CCDC59: variants seen among roughly 807,000 people sequenced by gnomAD.
The protein encoded by CCDC59 is thyroid transcription factor 1-associated protein 26.
In CCDC59, 27 loss-of-function variants were observed where a neutral mutation model predicts 30.5. The observed-to-expected ratio is 0.89, with a 90% CI of 0.65 to 1.22. The LOEUF (loss-of-function observed/expected upper bound fraction) is 1.22. Among genes scored for constraint, CCDC59 ranks in the 50% most tolerant of loss-of-function variants. The pLI is 0.00. For missense variants in CCDC59, 362 were observed against 284.4 expected, an observed-to-expected ratio of 1.27 and a Z score of -1.96; for synonymous variants, 125 against 100.9, an observed-to-expected ratio of 1.24 and a Z score of -1.43.
rs775676423 is a variant in CCDC59, at chr12:82,357,227, CT to C, written c.196del (p.Ser66ValfsTer28). ...AFRRKLKIQQ[S>X]YKKLLRKEKK... ...TTCCTTCCGTAGCAATTTCTTGTAA[CT>C]TTGCTGTATTTTCAGTTTTCTTCGA... On this transcript the variant is annotated frameshift_variant, in exon 2 of 4. Coordinates refer to ENST00000256151, the MANE Select transcript of CCDC59 (RefSeq NM_014167.5). LOFTEE classifies it high-confidence loss of function. 2 of 1,614,006 alleles carry C rather than the reference CT, an allele frequency of 1.2e-6. No homozygotes were observed. Among genetic ancestry groups the C allele is most frequent in the Non-Finnish European group, 1.7e-6 (2 of 1,179,952 alleles).
At chr12:82,358,575 T>C (rs773576790), upstream of CCDC59, 1 of 1,611,204 alleles carries the variant, frequency 6.2e-7, no homozygotes, top group Admixed American at 1.7e-5. Flanking sequence ...CATGGCGGCT[T>C]CTTGCCCTCT....
upstream of CCDC59, chr12:82,358,802 A>G (rs772014878): frequency 1.2e-6 from 2 of 1,608,350 alleles, no homozygotes; most frequent in Non-Finnish European, 1.7e-6. Context: ...CGCGCCCCCT[A>G]GTGGAAGCAG....
At chr12:82,356,786 T>G in intron 2 of CCDC59, 174 bp downstream of exon 2, 1 of 546,116 alleles carries the variant, frequency 1.8e-6, no homozygotes, top group East Asian at 3.0e-5. Context: ...TAAACCAGCC[T>G]AATTCAGTTA....
At chr12:82,355,274 A>G (rs972800406) in intron 2 of CCDC59, 3 of 152,172 alleles carry the variant, frequency 2.0e-5, no homozygotes, top group Non-Finnish European at 2.9e-5. Flanking sequence ...CACACCCCTT[A>G]TCCATGGTTT....
intron 1 of CCDC59, among the ~76,000 whole-genome samples, chr12:82,357,490 T>A (rs1881128912): frequency 6.6e-6 from 1 of 152,198 alleles, no homozygotes; most frequent in African/African-American, 2.4e-5. Flanking sequence ...CATGCGGAAA[T>A]CCAAGTAAGA....
chr12:82,353,024 A>G lies in CCDC59; in HGVS notation c.*127T>C, dbSNP rs1436456497. 1.5e-6 allele frequency: 1 copy of G among 657,798 alleles called. No homozygotes were observed. Among genetic ancestry groups the G allele is most frequent in the Non-Finnish European group, 2.5e-6 (1 of 407,396 alleles). 40.7% of individuals were successfully genotyped at this position (657,798 alleles called of 1,614,324 possible). A position where few individuals can be genotyped will look rare whatever the true frequency, so the allele number is the denominator to read the frequency against. On this transcript the variant is annotated 3_prime_UTR_variant, in exon 4 of 4. Coordinates refer to ENST00000256151, the MANE Select transcript of CCDC59 (RefSeq NM_014167.5). ...TTTTTTACCATAATAAAAATATGTG[A>G]ACATCTTATATTTAGCATAGTTTAG...
At chr12:82,355,966 G>T (rs926036481) in intron 2 of CCDC59, 49 of 151,984 alleles carry the variant, frequency 3.2e-4, no homozygotes, top group African/African-American at 1.1e-3. Context: ...CATTTCTACT[G>T]CTAATCTTTT....
chr12:82,357,026 G>A lies in CCDC59; in HGVS notation c.398C>T (p.Pro133Leu), dbSNP rs1881065751. 1 of 1,614,156 alleles carries A rather than the reference G, an allele frequency of 6.2e-7. No individual in the cohort carries two copies. Among genetic ancestry groups the A allele is most frequent in the South Asian group, 1.1e-5 (1 of 91,088 alleles). The change falls in exon 2 of 4, where the codon CCT (proline) becomes CTT (leucine). Residue 133 changes from proline (P) to leucine (L), a missense_variant. Coordinates refer to ENST00000256151, the MANE Select transcript of CCDC59 (RefSeq NM_014167.5). Reference protein sequence around the residue: ...LLEEQCSIDEPLFEDQCSFDQ... With the variant: ...LLEEQCSIDELLFEDQCSFDQ... ...AAAGCTACACTGATCTTCAAATAAA[G>A]GCTCGTCAATGCTACACTGTTCTTC...
chr12:82,358,183 G>A (rs181628343), intron 1 of CCDC59, 40 bp downstream of exon 1: 8 of 1,612,318 alleles, frequency 5.0e-6, no homozygotes, highest in Non-Finnish European at 5.9e-6. Flanking sequence ...CTAAAACTTA[G>A]CAAGCCTGAG....
chr12:82,354,387 T>A (rs1344219309), intron 3 of CCDC59, 108 bp downstream of exon 3: 2 of 761,952 alleles, frequency 2.6e-6, no homozygotes, highest in Non-Finnish European at 3.9e-6. Flanking sequence ...AACAAATATT[T>A]ACAGAGAGAA....
At chr12:82,356,863 T>A (rs576655032) in intron 2 of CCDC59, 97 bp downstream of exon 2, 1 of 1,002,156 alleles carries the variant, frequency 1.0e-6, no homozygotes, top group South Asian at 2.1e-5. Flanking sequence ...TAAAATGTGT[T>A]AAATAAGAAA....
rs764157604 is a variant in CCDC59 at position 82,357,113 on chromosome 12, T to C, written c.311A>G (p.His104Arg). 2.5e-6 allele frequency: 4 copies of C among 1,614,110 alleles called. No homozygotes were observed. The highest frequency in any genetic ancestry group is 2.5e-6 in the Non-Finnish European group (3 of 1,180,042). ...KHLYLAEEER[H>R]RKQARKVDHP... Reference sequence around the variant, plus strand: ...GTCGACTTTTCTTGCTTGCTTCCTATGTCTTTCCTCTTCAGCTAAATAGAG... The same window carrying C: ...GTCGACTTTTCTTGCTTGCTTCCTACGTCTTTCCTCTTCAGCTAAATAGAG... Residue 104 changes from histidine to arginine, a missense_variant, in exon 2 of 4, where the codon CAT becomes CGT. Transcript: ENST00000256151.
chr12:82,354,506 C>T lies in CCDC59; in HGVS notation c.553G>A (p.Ala185Thr). ...AAAGTAGAACTTACTTGTTTCTTAG[C>T]AGCACGTTTGGCTTGTATCTGTTCA... is the stretch of plus-strand genomic sequence containing the variant. ...EYEQIQAKRA[A>T]KKQEFERRKQ... The change falls in exon 3 of 4, where the codon GCT (alanine) becomes ACT (threonine). Residue 185 changes from alanine to threonine, a missense_variant. By Grantham distance (58) the Ala-to-Thr change is moderately conservative. Coordinates refer to ENST00000256151, the MANE Select transcript of CCDC59 (RefSeq NM_014167.5). The T allele has an allele frequency of 2.5e-6, 4 of 1,589,894 alleles. No homozygotes were observed. The highest frequency in any genetic ancestry group is 3.4e-6 in the Non-Finnish European group (4 of 1,168,458).
At chr12:82,355,180 GGACTAGT>G (rs1291206927) in intron 2 of CCDC59, 5 of 152,424 alleles carry the variant, frequency 3.3e-5, no homozygotes, top group Admixed American at 6.5e-5. Context: ...TAGCGACTTT[GGACTAGT>G]GACTAGTGAC....
chr12:82,357,325 A>C, intron 1 of CCDC59, 56 bp from the exon 2 acceptor site: 1 of 1,420,162 alleles, frequency 7.0e-7, no homozygotes, highest in South Asian at 1.3e-5. Flanking sequence ...TTGAACGAAG[A>C]ATGGAGCTGT....
chr12:82,354,671 T>A, intron 2 of CCDC59, 77 bp from the exon 3 acceptor site: 1 of 1,334,942 alleles, frequency 7.5e-7, no homozygotes, highest in Admixed American at 2.8e-5. Flanking sequence ...AGTTGTAGCT[T>A]TTAAGAGTAT....
At chr12:82,355,883 G>A (rs1880990674) in intron 2 of CCDC59, 1 of 152,096 alleles carries the variant, frequency 6.6e-6, no homozygotes, top group Non-Finnish European at 1.5e-5. Flanking sequence ...ATCTTTAAAA[G>A]CATGATTTTT....
chr12:82,357,040 A>G lies in CCDC59; in HGVS notation c.384T>C (p.Cys128=), dbSNP rs746930375. The change falls in exon 2 of 4, where the codon TGT becomes TGC. Residue 128 remains cysteine (C), a synonymous_variant. Coordinates refer to ENST00000256151, the MANE Select transcript of CCDC59 (RefSeq NM_014167.5). Reference sequence around the variant, plus strand: ...CTTCAAATAAAGGCTCGTCAATGCTACACTGTTCTTCAAGCAACGGCTGGT... The same window carrying G: ...CTTCAAATAAAGGCTCGTCAATGCTGCACTGTTCTTCAAGCAACGGCTGGT... ...QVHQPLLEEQ[C]SIDEPLFEDQ... 37 of 1,614,064 alleles carry G rather than the reference A, an allele frequency of 2.3e-5. No homozygotes were observed. The highest frequency in any genetic ancestry group is 3.1e-5 in the Non-Finnish European group (37 of 1,180,020).
At chr12:82,358,728 C>T, upstream of CCDC59, 1 of 1,614,142 alleles carries the variant, frequency 6.2e-7, no homozygotes, top group Non-Finnish European at 8.5e-7. Flanking sequence ...CGACTTGCCA[C>T]CGGAGACAGT....
Sources: gnomAD v4.1 joint callset for allele counts (sites outside exome capture counted in the v4.1 genomes callset) on GRCh38, gnomAD v4.1.1 for gene constraint, MANE v1.5 for transcripts, NCBI Gene and HGNC (gene_info 2026-07-23, HGNC 2026-07-21) for gene names.